LINGO2: variants seen among roughly 807,000 people sequenced by gnomAD.
LINGO2 encodes leucine-rich repeat and immunoglobulin-like domain-containing nogo receptor-interacting protein 2.
LINGO2 carries 14 observed loss-of-function variants against 30.6 expected under a neutral mutation model. The observed-to-expected ratio is 0.46, with a 90% confidence interval of 0.30 to 0.72. The LOEUF (loss-of-function observed/expected upper bound fraction) is 0.72, where lower values mean the gene tolerates loss of function less well. Ranked by LOEUF, LINGO2 falls within the 30% of genes least tolerant of loss-of-function variation. LINGO2 has a pLI of 0.07. For missense variants in LINGO2, 729 were observed against 751.7 expected, an observed-to-expected ratio of 0.97 and a Z score of 0.35; for synonymous variants, 317 against 288.5, an observed-to-expected ratio of 1.10 and a Z score of -1.00.
chr9:28,014,915 C>A (rs1822750302), intron 4 of LINGO2, among the ~76,000 whole-genome samples: 1 of 151,980 alleles, frequency 6.6e-6, no homozygotes, highest in South Asian at 2.1e-4. Flanking sequence ...TTATAAATTC[C>A]ATCAAATTAT....
chr9:28,059,647 A>T (rs1011013254), intron 4 of LINGO2, among the ~76,000 whole-genome samples: 11 of 152,116 alleles, frequency 7.2e-5, no homozygotes, highest in South Asian at 2.1e-4. Context: ...ATCTCTAGCA[A>T]CTTTTGTGGG....
the LINGO2 span, among the ~76,000 whole-genome samples, chr9:28,851,061 T>A: frequency 6.6e-6 from 1 of 152,038 alleles, no homozygotes; most frequent in Non-Finnish European, 1.5e-5. Flanking sequence ...AAAGACTTAA[T>A]GACTGAAGGA....
At position 28,182,153 on chromosome 9, in the gene LINGO2, A is replaced by G. The variant is rs145251136; in HGVS notation, c.-87+113055T>C. 9.2e-3 allele frequency among the ~76,000 whole-genome samples: 1,408 copies of G among 152,262 alleles called. 14 individuals carry two copies. The highest frequency in any genetic ancestry group is 0.016 in the Non-Finnish European group (1,106 of 68,014). The stretch of plus-strand genomic sequence containing the variant: ...GGAACAGAATAGAGACCTCAGAAAC[A>G]ACACCGCACCTCTACAACCATCTGA... On this transcript the variant is annotated intron_variant, in intron 4 of 5. Coordinates refer to ENST00000379992, the Ensembl canonical transcript of LINGO2.
chr9:28,922,071 C>T, the LINGO2 span, among the ~76,000 whole-genome samples: 2 of 152,154 alleles, frequency 1.3e-5, no homozygotes, highest in South Asian at 4.1e-4. Flanking sequence ...GACTATTGCA[C>T]TGTATCTTAT....
the LINGO2 span, among the ~76,000 whole-genome samples, chr9:28,836,108 T>G: frequency 2.0e-5 from 3 of 152,206 alleles, no homozygotes; most frequent in Non-Finnish European, 4.4e-5. Context: ...TGTAGCTCAC[T>G]GAGCCATGGC....
the LINGO2 span, among the ~76,000 whole-genome samples, chr9:28,743,448 C>T: frequency 2.2e-4 from 33 of 151,786 alleles, no homozygotes; most frequent in Non-Finnish European, 3.8e-4. Context: ...GTTTTCTGCT[C>T]CTGTGCTAGT....
chr9:28,060,570 C>T (rs1156997776), intron 4 of LINGO2, among the ~76,000 whole-genome samples: 9 of 152,176 alleles, frequency 5.9e-5, no homozygotes, highest in African/African-American at 2.2e-4. Context: ...TTTAACCTAG[C>T]AGTCTGACTT....
the LINGO2 span, among the ~76,000 whole-genome samples, chr9:28,691,191 A>G: frequency 2.0e-5 from 3 of 152,220 alleles, no homozygotes; most frequent in Non-Finnish European, 4.4e-5. Context: ...AGTTCTCAAA[A>G]GAGATTGGTT....
At chr9:28,969,416 A>G in the LINGO2 span, among the ~76,000 whole-genome samples, 19 of 152,228 alleles carry the variant, frequency 1.2e-4, no homozygotes, top group African/African-American at 4.3e-4. Context: ...AGGAAAATTA[A>G]CATAAATAGA....
the LINGO2 span, among the ~76,000 whole-genome samples, chr9:28,745,451 A>C: frequency 1.3e-5 from 2 of 152,082 alleles, no homozygotes; most frequent in African/African-American, 4.8e-5. Flanking sequence ...TTCAAATGCC[A>C]AATTCTTTCT....
chr9:28,639,039 C>A (rs1257777992), intron 1 of LINGO2, among the ~76,000 whole-genome samples: 2 of 152,056 alleles, frequency 1.3e-5, no homozygotes, highest in African/African-American at 4.8e-5. Flanking sequence ...TCGTTGGTTT[C>A]AAAGAACATC....
At chr9:28,072,892 A>C (rs1274230392) in intron 4 of LINGO2, among the ~76,000 whole-genome samples, 2 of 152,012 alleles carry the variant, frequency 1.3e-5, no homozygotes, top group East Asian at 3.9e-4. Context: ...ATAGCACGAT[A>C]TGCCATCTGC....
chr9:28,760,873 T>C, the LINGO2 span, among the ~76,000 whole-genome samples: 1 of 151,468 alleles, frequency 6.6e-6, no homozygotes. Context: ...ATCATATATA[T>C]GTATATGTGT....
intron 1 of LINGO2, among the ~76,000 whole-genome samples, chr9:28,546,218 A>G (rs1322931668): frequency 6.6e-6 from 1 of 152,060 alleles, no homozygotes; most frequent in African/African-American, 2.4e-5. Flanking sequence ...GTAGGGGTAG[A>G]CAGACAGGAC....
At chr9:29,014,908 T>C in the LINGO2 span, among the ~76,000 whole-genome samples, 3 of 152,180 alleles carry the variant, frequency 2.0e-5, no homozygotes, top group African/African-American at 7.2e-5. Context: ...CTTTCTGACA[T>C]ACATTATAAT....
chr9:28,160,168 G>A (rs1251687441), intron 4 of LINGO2, among the ~76,000 whole-genome samples: 2 of 152,098 alleles, frequency 1.3e-5, no homozygotes, highest in Non-Finnish European at 2.9e-5. Context: ...CTAATGTTCT[G>A]CTAGATAAGA....
In LINGO2 at chr9:28,433,220, C is replaced by A. The variant is rs965979089; in HGVS notation, c.-279+42720G>T. Reference sequence around the variant, plus strand: ...AAGTGTATGTTAAGATGTGATCTTGCAAATAGGCTTCCTAAATTATAAAAC... The same window carrying A: ...AAGTGTATGTTAAGATGTGATCTTGAAAATAGGCTTCCTAAATTATAAAAC... On this transcript the variant is annotated intron_variant, in intron 2 of 5. Transcript: ENST00000379992. Among the ~76,000 whole-genome samples the A allele has an allele frequency of 2.6e-5, 4 of 152,054 alleles. No individual in the cohort carries two copies. The East Asian group carries it at 5.8e-4, about 22-fold the overall frequency.
the LINGO2 span, among the ~76,000 whole-genome samples, chr9:29,176,342 T>C: frequency 1.3e-5 from 2 of 152,168 alleles, no homozygotes; most frequent in Non-Finnish European, 2.9e-5. Context: ...GAGACTAAAA[T>C]TGAGCTAATA....
intron 4 of LINGO2, among the ~76,000 whole-genome samples, chr9:28,048,202 G>A (rs952913558): frequency 6.6e-6 from 1 of 150,858 alleles, no homozygotes; most frequent in Non-Finnish European, 1.5e-5. Context: ...GGAAACAAGT[G>A]TTAGAGGCAT....
Sources: gnomAD v4.1 joint callset for allele counts (sites outside exome capture counted in the v4.1 genomes callset) on GRCh38, gnomAD v4.1.1 for gene constraint, MANE v1.5 for transcripts, NCBI Gene and HGNC (gene_info 2026-07-23, HGNC 2026-07-21) for gene names.